EPB41L1: variants seen among roughly 807,000 people sequenced by gnomAD.
EPB41L1 encodes erythrocyte membrane protein band 4.1 like 1, also known as band 4.1-like protein 1.
A neutral mutation model predicts 97.8 loss-of-function variants in EPB41L1; 29 were observed. The observed-to-expected ratio is 0.30, with a 90% CI of 0.22 to 0.40. The LOEUF (loss-of-function observed/expected upper bound fraction) is 0.40, where lower values mean the gene tolerates loss of function less well. Among genes scored for constraint, EPB41L1 ranks in the 10% least tolerant of loss-of-function variants. The probability of loss-of-function intolerance (pLI) is 1.00; values close to 1 mark genes in which losing one functional copy is unlikely to be tolerated. For missense variants in EPB41L1, 812 were observed against 1,162.3 expected (o/e 0.70, Z 4.38); for synonymous variants, 383 against 459.2 (o/e 0.83, Z 2.12).
intron 5 of EPB41L1, 96 bp downstream of exon 5, chr20:36,178,768 C>T (rs769603006): frequency 1.2e-5 from 16 of 1,335,848 alleles, no homozygotes; most frequent in Non-Finnish European, 1.7e-5. Flanking sequence ...TTGGAAAGTG[C>T]ATTTCAGGCC....
At position 36,092,849 on chromosome 20, in the gene EPB41L1, G is replaced by A. The variant is rs2057697830; in HGVS notation, c.-65+1237G>A. On this transcript the variant is annotated intron_variant, in intron 1 of 19. Coordinates refer to the EPB41L1 transcript ENST00000202028. This position sits in a 1 kb window ranked among gnomAD's most constrained non-coding sequence, Gnocchi z 7.0. ...CCCGCCGTCCCCCTCCGCGTCCCGG[G>A]GACCCCGCCGCGTCGGGTCCCGCGT... 6.6e-6 allele frequency: 1 copy of A among 152,368 alleles called. No individual in the cohort carries two copies. The highest frequency in any genetic ancestry group is 6.5e-5 in the Admixed American group (1 of 15,280). The allele number at this position is 152,368 out of a possible 1,614,324, so 9.4% of individuals were successfully genotyped here.
At chr20:36,137,673 C>T (rs926127757) in intron 2 of EPB41L1, among the ~76,000 whole-genome samples, 7 of 152,042 alleles carry the variant, frequency 4.6e-5, no homozygotes, top group Non-Finnish European at 7.4e-5. Flanking sequence ...TACAGGCATG[C>T]ACCACCGTGC....
chr20:36,205,894 G>T (rs2062771897), intron 14 of EPB41L1: 1 of 1,289,746 alleles, frequency 7.8e-7, no homozygotes, highest in African/African-American at 1.5e-5. Context: ...CACTAGGCCA[G>T]AAGAGCTCGG....
intron 7 of EPB41L1, among the ~76,000 whole-genome samples, chr20:36,187,445 C>A (rs1312642017): frequency 6.6e-6 from 1 of 152,156 alleles, no homozygotes; most frequent in African/African-American, 2.4e-5. Context: ...TTTGTATGAT[C>A]CCTGGACTAA....
At chr20:36,141,044 C>G (rs753165444) in intron 2 of EPB41L1, among the ~76,000 whole-genome samples, 6 of 152,218 alleles carry the variant, frequency 3.9e-5, no homozygotes, top group Non-Finnish European at 5.9e-5. Context: ...GGGACAGCAG[C>G]TGGGAGAAGG....
At position 36,218,913 on chromosome 20, in the gene EPB41L1, T is replaced by A; in HGVS notation, c.2306T>A (p.Met769Lys). The A allele has an allele frequency of 6.2e-7, 1 of 1,614,212 alleles. No individual in the cohort carries two copies. The highest frequency in any genetic ancestry group is 8.5e-7 in the Non-Finnish European group (1 of 1,180,042). ...SLKSGKGAAA[M>K]IPGPQTVATE... ...AAGTCCGGGAAGGGGGCAGCTGCCA[T>A]GATCCCAGGCCCACAGACGGTGGCC... is the stretch of plus-strand genomic sequence containing the variant. Residue 769 changes from methionine to lysine, a missense_variant, in exon 18 of 22, where the codon ATG (methionine) becomes AAG (lysine). Met to Lys is a moderately conservative substitution (Grantham distance 95). Transcript: ENST00000338074.
In EPB41L1 at chr20:36,170,208, C is replaced by CTTCTCA. The variant is rs575702604; in HGVS notation, c.-14-3554_-14-3549dup. Among the ~76,000 whole-genome samples the CTTCTCA allele has an allele frequency of 4.2e-4, 63 of 151,762 alleles. 3 individuals are homozygous for CTTCTCA. In the East Asian group the frequency reaches 0.012, roughly 29 times the overall value. ...AAAAGGTTTAAACAGATTTTATCTC[C>CTTCTCA]TTCTCATACTGCCATACCAAGCCAT... On this transcript the variant is annotated intron_variant, in intron 1 of 21. Coordinates refer to ENST00000338074, the MANE Select transcript of EPB41L1 (RefSeq NM_012156.2).
intron 2 of EPB41L1, among the ~76,000 whole-genome samples, chr20:36,127,116 C>T (rs1254969407): frequency 6.6e-6 from 1 of 152,166 alleles, no homozygotes; most frequent in Non-Finnish European, 1.5e-5. Flanking sequence ...GACAGTGAGG[C>T]TCATCCATAC....
At chr20:36,153,266 C>G (rs2060130969), upstream of EPB41L1, among the ~76,000 whole-genome samples, 1 of 152,030 alleles carries the variant, frequency 6.6e-6, no homozygotes, top group Non-Finnish European at 1.5e-5. Context: ...GAGCAGCACA[C>G]TGGGAGGGAG....
intron 1 of EPB41L1, among the ~76,000 whole-genome samples, chr20:36,096,284 C>A (rs1165363134): frequency 1.3e-5 from 2 of 152,204 alleles, no homozygotes; most frequent in African/African-American, 4.8e-5. Context: ...ATTCTGCTTT[C>A]AAGTCCCAGG....
rs1185624386 is a variant in EPB41L1, at chr20:36,188,399, T to C, written c.926T>C (p.Ile309Thr). Reference protein sequence around the residue: ...MLGVCANGLLIYRDRLRINRF... With the variant: ...MLGVCANGLLTYRDRLRINRF... Reference sequence around the variant, plus strand: ...GGCGTTTGTGCCAATGGCCTGCTCATCTACCGGGACCGGCTGAGAATCAAC... The same window carrying C: ...GGCGTTTGTGCCAATGGCCTGCTCACCTACCGGGACCGGCTGAGAATCAAC... The change falls in exon 9 of 22, where the codon ATC becomes ACC. Residue 309 changes from isoleucine to threonine, a missense_variant. Ile to Thr is a moderately conservative substitution (Grantham distance 89). This residue lies in a region of EPB41L1 where 230 missense variants were observed against 445.2 expected (regional missense o/e 0.52). Coordinates refer to ENST00000338074, the MANE Select transcript of EPB41L1 (RefSeq NM_012156.2). 1.9e-6 allele frequency: 3 copies of C among 1,613,898 alleles called. No homozygotes were observed.
At position 36,188,353 on chromosome 20, in the gene EPB41L1, G is replaced by A; in HGVS notation, c.880G>A (p.Glu294Lys). Residue 294 changes from glutamate (E) to lysine (K), a missense_variant, in exon 9 of 22, where the codon GAG becomes AAG. Transcript: ENST00000338074. Reference sequence around the variant, plus strand: ...ATGGTCTCTTCTCATGCAGGACTCTGAGGGCATCGACATCATGTTAGGCGT... The same window carrying A: ...ATGGTCTCTTCTCATGCAGGACTCTAAGGGCATCGACATCATGTTAGGCGT... ...GVDLHHAKDSEGIDIMLGVCA... is the reference protein window; with the variant it reads ...GVDLHHAKDSKGIDIMLGVCA... 6.2e-7 allele frequency: 1 copy of A among 1,613,520 alleles called. No individual in the cohort carries two copies. The highest frequency in any genetic ancestry group is 8.5e-7 in the Non-Finnish European group (1 of 1,179,998).
chr20:36,219,112 AC>A (rs2063620124), intron 18 of EPB41L1, 150 bp downstream of exon 18: 3 of 820,060 alleles, frequency 3.7e-6, no homozygotes, highest in Admixed American at 2.1e-5. Flanking sequence ...TCAGATGCCC[AC>A]AGGGCTCCCT....
intron 14 of EPB41L1, 26 bp downstream of exon 14, chr20:36,198,067 T>C (rs1485787382): frequency 1.9e-6 from 3 of 1,603,390 alleles, no homozygotes; most frequent in African/African-American, 2.7e-5. Context: ...AACCCCTCGA[T>C]AGGGGCCTTG....
chr20:36,117,581 G>A (rs1290819334), intron 2 of EPB41L1, among the ~76,000 whole-genome samples: 1 of 152,178 alleles, frequency 6.6e-6, no homozygotes, highest in African/African-American at 2.4e-5. Flanking sequence ...GAGAGATAAG[G>A]CAGGAAGGGT....
intron 11 of EPB41L1, among the ~76,000 whole-genome samples, chr20:36,191,487 C>T (rs750623447): frequency 1.3e-5 from 2 of 152,060 alleles, no homozygotes; most frequent in Non-Finnish European, 2.9e-5. Context: ...TCATCAGAGT[C>T]GCCTGTGAGA....
chr20:36,093,188 T>C lies in EPB41L1; in HGVS notation c.-65+1576T>C, dbSNP rs1004634692. On this transcript the variant is annotated intron_variant, in intron 1 of 19. Coordinates refer to the EPB41L1 transcript ENST00000202028. This position sits in a 1 kb window ranked among gnomAD's most constrained non-coding sequence, Gnocchi z 5.4. ...TGGTGCGTGCGTATCTGGGTGAGGG[T>C]GCGTGTGTCTGCGTGTGTCTGTCGG... Among the ~76,000 whole-genome samples, 5 of 151,092 alleles carry C rather than the reference T, an allele frequency of 3.3e-5. No individual in the cohort carries two copies. The highest frequency in any genetic ancestry group is 7.4e-5 in the Non-Finnish European group (5 of 67,832).
intron 21 of EPB41L1, among the ~76,000 whole-genome samples, chr20:36,224,828 A>AT (rs903963727): frequency 1.4e-4 from 21 of 149,236 alleles, no homozygotes; most frequent in Admixed American, 2.0e-4. Flanking sequence ...TAGGAAAAAA[A>AT]TTTTTTTTTT....
chr20:36,107,004 A>G (rs2147546541), intron 1 of EPB41L1, among the ~76,000 whole-genome samples: 1 of 152,214 alleles, frequency 6.6e-6, no homozygotes, highest in South Asian at 2.1e-4. Context: ...GGGTTTCGCC[A>G]TGTTGTCTGG....
Sources: gnomAD v4.1 joint callset for allele counts (sites outside exome capture counted in the v4.1 genomes callset) on GRCh38, gnomAD v4.1.1 for gene constraint, gnomAD v4.1.1 regional missense constraint, Gnocchi (gnomAD v3.1) non-coding constraint, MANE v1.5 for transcripts, NCBI Gene and HGNC (gene_info 2026-07-23, HGNC 2026-07-21) for gene names.